The following AP3M1 variants were observed in gnomAD, a reference collection of about 807,000 sequenced individuals.
AP3M1 encodes the protein AP-3 complex subunit mu-1.
AP3M1 carries 29 observed loss-of-function variants against 42.6 expected under a neutral mutation model. The observed-to-expected ratio is 0.68, with a 90% CI of 0.51 to 0.93. The LOEUF (loss-of-function observed/expected upper bound fraction) is 0.93. Ranked by LOEUF, AP3M1 falls within the 40% of genes least tolerant of loss-of-function variation. The probability of loss-of-function intolerance (pLI) is 0.00; values close to 1 mark genes in which losing one functional copy is unlikely to be tolerated. For synonymous variants in AP3M1, 178 were observed against 175.3 expected (o/e 1.02, Z -0.12); for missense variants, 416 against 510.2 (o/e 0.82, Z 1.78).
rs1491122719 is a variant in AP3M1, at chr10:74,121,050, GAT to G, written c.*2758_*2759del. ...CATGTCATTAAAGGGTGATGATATTGATATTTAGTGTTGCCAACTGCTATTAT... is the reference window on the plus strand; with the variant it reads ...CATGTCATTAAAGGGTGATGATATTGATTTAGTGTTGCCAACTGCTATTAT... On this transcript the variant is annotated 3_prime_UTR_variant, in exon 9 of 9. Transcript: ENST00000355264. 2 of 152,120 alleles carry G rather than the reference GAT, an allele frequency of 1.3e-5. No homozygotes were observed. The highest frequency in any genetic ancestry group is 4.8e-5 in the African/African-American group (2 of 41,414). 9.4% of individuals were successfully genotyped at this position (152,120 alleles called of 1,614,324 possible).
chr10:74,148,896 C>T (rs1434358344), intron 1 of AP3M1, among the ~76,000 whole-genome samples: 4 of 147,240 alleles, frequency 2.7e-5, no homozygotes, highest in South Asian at 2.2e-4. Flanking sequence ...TTTTTTGAGA[C>T]GGAGTCTTAC....
chr10:74,139,219 C>CA lies in AP3M1; in HGVS notation c.-3-838dup, dbSNP rs373431832. Among the ~76,000 whole-genome samples, 65 of 150,868 alleles carry CA rather than the reference C, an allele frequency of 4.3e-4. 1 individual carries two copies. Among genetic ancestry groups the CA allele is most frequent in the African/African-American group, 1.2e-3 (49 of 40,994 alleles). ...AAATCCTAAGGAATCCACACACACACAAAAAAAAACCTATTAGAGCTAATA... is the reference window on the plus strand; with the variant it reads ...AAATCCTAAGGAATCCACACACACACAAAAAAAAAACCTATTAGAGCTAATA... On this transcript the variant is annotated intron_variant, in intron 1 of 8. Coordinates refer to ENST00000355264, the MANE Select transcript of AP3M1 (RefSeq NM_012095.6).
intron 4 of AP3M1, among the ~76,000 whole-genome samples, chr10:74,132,817 T>C (rs1272201409): frequency 6.6e-6 from 1 of 151,980 alleles, no homozygotes; most frequent in Non-Finnish European, 1.5e-5. Flanking sequence ...TTTCAATAAA[T>C]GTTAGAAGGA....
rs1438809267 is a variant in AP3M1 at position 74,129,233 on chromosome 10, C to G, written c.678G>C (p.Arg226Ser). Reference sequence around the variant, plus strand: ...GGTGAAAGCTGACATCATCCAGAAGCCTAGGGTTCTGCCAGAAAAACAGAA... The same window carrying G: ...GGTGAAAGCTGACATCATCCAGAAGGCTAGGGTTCTGCCAGAAAAACAGAA... ...PDLSLSFMNP[R>S]LLDDVSFHPC... The change falls in exon 6 of 9, where the codon AGG (arginine) becomes AGC (serine). Residue 226 changes from arginine (R) to serine (S), a missense_variant. By Grantham distance (110) the Arg-to-Ser change is moderately radical (BLOSUM62 -1). Transcript: ENST00000355264. 9.9e-6 allele frequency: 16 copies of G among 1,613,748 alleles called. No individual in the cohort carries two copies. The highest frequency in any genetic ancestry group is 1.2e-5 in the Non-Finnish European group (14 of 1,179,972).
intron 4 of AP3M1, among the ~76,000 whole-genome samples, chr10:74,130,308 A>C (rs187990903): frequency 1.3e-5 from 2 of 152,334 alleles, no homozygotes; most frequent in Admixed American, 1.3e-4. Flanking sequence ...ATCTCTATTA[A>C]CAGGTCAGGG....
intron 7 of AP3M1, among the ~76,000 whole-genome samples, chr10:74,125,542 T>C (rs535466775): frequency 1.7e-4 from 26 of 152,224 alleles, no homozygotes; most frequent in Non-Finnish European, 3.2e-4. Context: ...TATGATGTTA[T>C]TCAAAAAACA....
chr10:74,138,932 C>T (rs1214872586), intron 1 of AP3M1: 1 of 95,994 alleles, frequency 1.0e-5, no homozygotes, highest in Non-Finnish European at 2.0e-5. Flanking sequence ...GAGACACTAT[C>T]TAAAAAAAAA....
rs979807435 is a variant in AP3M1, at chr10:74,136,794, C to T, written c.283G>A (p.Gly95Ser). 4.0e-6 allele frequency: 6 copies of T among 1,497,474 alleles called. No homozygotes were observed. Among genetic ancestry groups the T allele is most frequent in the Non-Finnish European group, 4.5e-6 (5 of 1,105,960 alleles). 92.8% of individuals were successfully genotyped at this position (1,497,474 alleles called of 1,614,324 possible). A position where few individuals can be genotyped will look rare whatever the true frequency, so the allele number is the denominator to read the frequency against. ...RVADTFQDYF[G>S]ECSEAAIKDN... ...TTAATTGCAGCCTCTGAACACTCAC[C>T]AAAGTAGTCCTGACAAAATACACAC... The change falls in exon 3 of 9, where the codon GGT (glycine) becomes AGT (serine). Residue 95 changes from glycine to serine, a missense_variant. Coordinates refer to ENST00000355264, the MANE Select transcript of AP3M1 (RefSeq NM_012095.6).
chr10:74,128,129 A>AAAAAAC (rs1840673559), intron 6 of AP3M1, among the ~76,000 whole-genome samples: 1 of 141,192 alleles, frequency 7.1e-6, no homozygotes, highest in African/African-American at 2.8e-5. Context: ...AAAAAAGGAA[A>AAAAAAC]AGAAAAGAGC....
chr10:74,121,535 T>A lies in AP3M1; in HGVS notation c.*2275A>T, dbSNP rs1272818677. 6.6e-6 allele frequency: 1 copy of A among 152,206 alleles called. No individual in the cohort carries two copies. The highest frequency in any genetic ancestry group is 2.4e-5 in the African/African-American group (1 of 41,462). The allele number at this position is 152,206 out of a possible 1,614,324, so 9.4% of individuals were successfully genotyped here. On this transcript the variant is annotated 3_prime_UTR_variant, in exon 9 of 9. Coordinates refer to ENST00000355264, the MANE Select transcript of AP3M1 (RefSeq NM_012095.6). ...GGTGGTAGTGATAGGGAAGGGAGCT[T>A]TGATCACTAATCTCTCAGACTGTGG...
intron 7 of AP3M1, among the ~76,000 whole-genome samples, chr10:74,125,230 C>T (rs931020849): frequency 5.3e-5 from 8 of 152,228 alleles, no homozygotes; most frequent in East Asian, 3.8e-4. Context: ...CCACCCACCT[C>T]GGCCTCCCAA....
intron 3 of AP3M1, among the ~76,000 whole-genome samples, chr10:74,135,223 C>G (rs1383906579): frequency 6.6e-6 from 1 of 152,206 alleles, no homozygotes; most frequent in Non-Finnish European, 1.5e-5. Context: ...TCTAACTTCT[C>G]AAGTGAAAAA....
chr10:74,142,232 G>A (rs1404858865), intron 1 of AP3M1, among the ~76,000 whole-genome samples: 1 of 152,124 alleles, frequency 6.6e-6, no homozygotes, highest in South Asian at 2.1e-4. Flanking sequence ...CCAGTATCAG[G>A]TGTTTAGTCT....
At chr10:74,137,880 C>T (rs1369422381) in intron 2 of AP3M1, among the ~76,000 whole-genome samples, 3 of 151,912 alleles carry the variant, frequency 2.0e-5, no homozygotes, top group Non-Finnish European at 4.4e-5. Flanking sequence ...ATGCAGAACC[C>T]ATGTATATGG....
chr10:74,121,395 T>C lies in AP3M1; in HGVS notation c.*2415A>G, dbSNP rs1301850401. 6.6e-6 allele frequency: 1 copy of C among 152,222 alleles called. No homozygotes were observed. Among genetic ancestry groups the C allele is most frequent in the Non-Finnish European group, 1.5e-5 (1 of 68,034 alleles). 9.4% of individuals were successfully genotyped at this position (152,222 alleles called of 1,614,324 possible). A position where few individuals can be genotyped will look rare whatever the true frequency, so the allele number is the denominator to read the frequency against. On this transcript the variant is annotated 3_prime_UTR_variant, in exon 9 of 9. Transcript: ENST00000355264. ...GGAAAGAATCATTTACTTCATTTGCTCTTGATATACTCCCTTATGAATTTA... is the reference window on the plus strand; with the variant it reads ...GGAAAGAATCATTTACTTCATTTGCCCTTGATATACTCCCTTATGAATTTA...
At chr10:74,130,403 C>A (rs536051634) in intron 4 of AP3M1, among the ~76,000 whole-genome samples, 1 of 151,970 alleles carries the variant, frequency 6.6e-6, no homozygotes, top group East Asian at 1.9e-4. Context: ...CTAGTCCCAG[C>A]TGGTCCCCAG....
intron 1 of AP3M1, among the ~76,000 whole-genome samples, chr10:74,142,810 TC>T (rs1349498736): frequency 1.3e-5 from 2 of 152,244 alleles, no homozygotes; most frequent in Non-Finnish European, 1.5e-5. Context: ...TTAACTATAA[TC>T]TTTAGCTGAT....
rs142835663 is a variant in AP3M1, at chr10:74,128,677, A to C, written c.803+431T>G. Among the ~76,000 whole-genome samples the C allele has an allele frequency of 6.6e-4, 100 of 152,148 alleles. 1 individual carries two copies. In the East Asian group the frequency reaches 0.018, roughly 27 times the overall value. On this transcript the variant is annotated intron_variant, in intron 6 of 8. Transcript: ENST00000355264. The stretch of plus-strand genomic sequence containing the variant: ...AAACTCTACAGACTATGGTAAGATT[A>C]TGGCAATGGTTCATGGTTTTGCCCA...
At chr10:74,136,078 C>T (rs544195775) in intron 3 of AP3M1, among the ~76,000 whole-genome samples, 2 of 152,342 alleles carry the variant, frequency 1.3e-5, no homozygotes, top group Non-Finnish European at 2.9e-5. Flanking sequence ...TGGAAGCTTA[C>T]AACACAAGTA....
Sources: allele counts gnomAD v4.1 joint callset (sites outside exome capture counted in the v4.1 genomes callset), GRCh38; gene constraint gnomAD v4.1.1; transcripts MANE v1.5; gene names NCBI Gene and HGNC (gene_info 2026-07-23, HGNC 2026-07-21).